The following FSTL5 variants were observed in gnomAD, a reference collection of about 807,000 sequenced individuals.
FSTL5 encodes follistatin-related protein 5.
In FSTL5, 62 loss-of-function variants were observed where a neutral mutation model predicts 89.1. That is an observed-to-expected ratio of 0.70 (90% confidence interval 0.57 to 0.86). The LOEUF (loss-of-function observed/expected upper bound fraction) is 0.86, where lower values mean the gene tolerates loss of function less well. Among genes scored for constraint, FSTL5 ranks in the 40% least tolerant of loss-of-function variants. The pLI is 0.00. For missense variants in FSTL5, 1,057 were observed against 1,001.6 expected, an observed-to-expected ratio of 1.06 and a Z score of -0.75; for synonymous variants, 383 against 346.2, an observed-to-expected ratio of 1.11 and a Z score of -1.18.
intron 3 of FSTL5, among the ~76,000 whole-genome samples, chr4:162,019,820 A>C (rs1737020903): frequency 6.6e-6 from 1 of 150,920 alleles, no homozygotes; most frequent in Non-Finnish European, 1.5e-5. Flanking sequence ...GGTTTTCAAA[A>C]GATGGAAAGT....
intron 4 of FSTL5, among the ~76,000 whole-genome samples, chr4:161,881,471 T>G (rs948649991): frequency 6.6e-6 from 1 of 151,982 alleles, no homozygotes. Context: ...GAAAATAAAA[T>G]AGGCATACAA....
intron 10 of FSTL5, among the ~76,000 whole-genome samples, chr4:161,520,850 G>T (rs539712133): frequency 8.9e-4 from 136 of 152,224 alleles, no homozygotes; most frequent in African/African-American, 3.2e-3. Context: ...ATGTATCCTG[G>T]TGGTCCCAAG....
chr4:162,002,450 T>C (rs1736492155), intron 3 of FSTL5, among the ~76,000 whole-genome samples: 1 of 152,242 alleles, frequency 6.6e-6, no homozygotes, highest in South Asian at 2.1e-4. Flanking sequence ...ATATCTTGTC[T>C]TATCCTATTA....
chr4:161,643,524 T>G (rs964345486), intron 7 of FSTL5, among the ~76,000 whole-genome samples: 2 of 152,128 alleles, frequency 1.3e-5, no homozygotes, highest in Non-Finnish European at 2.9e-5. Context: ...TGGAATATTA[T>G]CTCTTACAGT....
chr4:161,871,137 C>T (rs1732249550), intron 4 of FSTL5, among the ~76,000 whole-genome samples: 1 of 151,930 alleles, frequency 6.6e-6, no homozygotes, highest in Admixed American at 6.6e-5. Flanking sequence ...ATTCATAAAA[C>T]CAAATACTTT....
intron 4 of FSTL5, among the ~76,000 whole-genome samples, chr4:161,783,749 T>TTTCTTTCTTTCC (rs1741780372): frequency 8.6e-6 from 1 of 116,100 alleles, no homozygotes; most frequent in Admixed American, 1.1e-4. Flanking sequence ...TCTTTCTTTC[T>TTTCTTTCTTTCC]TTCTTTCTTT....
intron 3 of FSTL5, among the ~76,000 whole-genome samples, chr4:161,988,266 G>A (rs1736021227): frequency 6.6e-6 from 1 of 152,008 alleles, no homozygotes; most frequent in Admixed American, 6.6e-5. Flanking sequence ...ATTCAAATGG[G>A]AAAATCACAG....
chr4:161,681,523 G>A (rs984617456), intron 6 of FSTL5, among the ~76,000 whole-genome samples: 2 of 152,010 alleles, frequency 1.3e-5, no homozygotes, highest in African/African-American at 4.8e-5. Flanking sequence ...ATACTCCAAG[G>A]TCTGCCCATG....
chr4:161,862,885 G>A (rs1282108016), intron 4 of FSTL5, among the ~76,000 whole-genome samples: 1 of 152,072 alleles, frequency 6.6e-6, no homozygotes, highest in Non-Finnish European at 1.5e-5. Context: ...GTAAATGTAT[G>A]GATGAGTAAA....
intron 4 of FSTL5, among the ~76,000 whole-genome samples, chr4:161,859,819 T>C (rs1731843095): frequency 2.0e-5 from 3 of 152,038 alleles, no homozygotes; most frequent in Admixed American, 2.0e-4. Flanking sequence ...TGGAGTGTGT[T>C]GGAAGGAAGT....
At chr4:161,948,485 C>CTTTTT (rs35577056) in intron 3 of FSTL5, among the ~76,000 whole-genome samples, 92 of 114,074 alleles carry the variant, frequency 8.1e-4, no homozygotes, top group Non-Finnish European at 1.1e-3. Context: ...TCTTTTCTTT[C>CTTTTT]TTTTTTTTTT....
chr4:161,859,532 A>G (rs1485277207), intron 4 of FSTL5, among the ~76,000 whole-genome samples: 1 of 152,230 alleles, frequency 6.6e-6, no homozygotes, highest in African/African-American at 2.4e-5. Context: ...TTATTTTCCC[A>G]ACATTCTGCA....
At chr4:161,609,015 C>T (rs957895723) in intron 7 of FSTL5, among the ~76,000 whole-genome samples, 9 of 151,956 alleles carry the variant, frequency 5.9e-5, no homozygotes, top group African/African-American at 1.9e-4. Flanking sequence ...ATCATATTAA[C>T]CTATAATTTT....
At chr4:161,536,496 T>C (rs192686454) in intron 10 of FSTL5, among the ~76,000 whole-genome samples, 266 of 152,276 alleles carry the variant, frequency 1.7e-3, no homozygotes, top group Non-Finnish European at 3.0e-3. Flanking sequence ...GAAACTATCT[T>C]CTATCAAGTA....
intron 2 of FSTL5, among the ~76,000 whole-genome samples, chr4:162,056,066 C>T (rs1738533387): frequency 1.3e-5 from 2 of 150,966 alleles, no homozygotes; most frequent in African/African-American, 4.9e-5. Flanking sequence ...AAAATGAAAC[C>T]CTGTAGAAAT....
At chr4:161,736,818 T>C (rs1390992579) in intron 6 of FSTL5, among the ~76,000 whole-genome samples, 1 of 152,072 alleles carries the variant, frequency 6.6e-6, no homozygotes, top group Non-Finnish European at 1.5e-5. Flanking sequence ...GTGATCCTGT[T>C]TGTCTATCTA....
chr4:161,422,239 T>C (rs1322251582), intron 15 of FSTL5, among the ~76,000 whole-genome samples: 1 of 152,050 alleles, frequency 6.6e-6, no homozygotes, highest in Non-Finnish European at 1.5e-5. Context: ...TAAATTTCTG[T>C]TGTAAAGGAT....
intron 2 of FSTL5, among the ~76,000 whole-genome samples, chr4:162,085,935 A>AG (rs1043267962): frequency 3.3e-5 from 5 of 152,100 alleles, no homozygotes; most frequent in African/African-American, 1.2e-4. Flanking sequence ...TACATTACGT[A>AG]GGGGCTCCTG....
chr4:161,851,352 A>G (rs1005354456), intron 4 of FSTL5, among the ~76,000 whole-genome samples: 2 of 152,158 alleles, frequency 1.3e-5, no homozygotes, highest in Non-Finnish European at 2.9e-5. Flanking sequence ...TTGTGTTATT[A>G]TAGTGCCACT....
Sources: allele counts gnomAD v4.1 joint callset (sites outside exome capture counted in the v4.1 genomes callset), GRCh38; gene constraint gnomAD v4.1.1; transcripts MANE v1.5; gene names NCBI Gene and HGNC (gene_info 2026-07-23, HGNC 2026-07-21).